The following ANK3 variants were observed in gnomAD, a reference collection of about 807,000 sequenced individuals.
ANK3 encodes ankyrin 3, also known as ankyrin-3.
In ANK3, 57 loss-of-function variants were observed where a neutral mutation model predicts 370.9. That is an observed-to-expected ratio of 0.15 (90% confidence interval 0.12 to 0.19). The LOEUF is 0.19. Ranked by LOEUF, ANK3 falls within the 10% of genes least tolerant of loss-of-function variation. The pLI is 1.00. For missense variants in ANK3, 4,439 were observed against 5,302.1 expected (o/e 0.84, Z 5.06); for synonymous variants, 1,929 against 1,946.3 (o/e 0.99, Z 0.23).
Position 60,026,976 on chromosome 10 carries a change from T to C in ANK3, c.*2870A>G, listed in dbSNP as rs1214473369. 1.3e-5 allele frequency: 2 copies of C among 152,204 alleles called. No individual in the cohort carries two copies. The highest frequency in any genetic ancestry group is 2.9e-5 in the Non-Finnish European group (2 of 68,036). 9.4% of individuals were successfully genotyped at this position (152,204 alleles called of 1,614,324 possible). On this transcript the variant is annotated 3_prime_UTR_variant, in exon 44 of 44. Coordinates refer to ENST00000280772, the MANE Select transcript of ANK3 (RefSeq NM_020987.5). Reference sequence around the variant, plus strand: ...TACATAATGTCACATTCAATCTACATATACATGTATAAATATATGCATATA... The same window carrying C: ...TACATAATGTCACATTCAATCTACACATACATGTATAAATATATGCATATA...
chr10:60,235,245 T>C (rs1006686766), intron 7 of ANK3, among the ~76,000 whole-genome samples: 6 of 152,264 alleles, frequency 3.9e-5, no homozygotes, highest in Admixed American at 6.5e-5. Flanking sequence ...GGAGAGACAA[T>C]AGGAACTCAA....
chr10:60,059,389 C>T lies in ANK3; in HGVS notation c.12637G>A (p.Ala4213Thr), dbSNP rs375188855. Residue 4213 changes from alanine (A) to threonine (T), a missense_variant, in exon 41 of 44, where the codon GCT (alanine) becomes ACT (threonine). Coordinates refer to ENST00000280772, the MANE Select transcript of ANK3 (RefSeq NM_020987.5). ...CCACCAGTTACTCTTCGAGCTTGAG[C>T]GCAGGACTCTAGGTTTCCACTTGAT... ...ETSSGNLESC[A>T]QARRVTGGLL... The T allele has an allele frequency of 3.7e-5, 60 of 1,613,952 alleles. No individual in the cohort carries two copies. The highest frequency in any genetic ancestry group is 6.7e-5 in the African/African-American group (5 of 74,898).
At chr10:60,146,754 A>G (rs1022835555) in intron 23 of ANK3, among the ~76,000 whole-genome samples, 14 of 152,214 alleles carry the variant, frequency 9.2e-5, no homozygotes, top group Non-Finnish European at 1.8e-4. Context: ...TGCTGGGATT[A>G]CAGACATGAG....
intron 1 of ANK3, among the ~76,000 whole-genome samples, chr10:60,364,034 C>A (rs560485924): frequency 1.3e-4 from 20 of 149,600 alleles, no homozygotes; most frequent in African/African-American, 4.4e-4. Context: ...TGGCTCAAGC[C>A]TGTAATCCCA....
Position 60,578,397 on chromosome 10 carries a change from A to G in ANK3, c.96+36789T>C, listed in dbSNP as rs571662286. ...AGGCCCAGTGATATTTACATGACAG[A>G]TATACATTCTTTTGTGAGGTGAGGA... is the stretch of plus-strand genomic sequence containing the variant. On this transcript the variant is annotated intron_variant, in intron 2 of 43. Coordinates refer to the ANK3 transcript ENST00000373827. Among the ~76,000 whole-genome samples, 24 of 152,280 alleles carry G rather than the reference A, an allele frequency of 1.6e-4. No individual in the cohort carries two copies. In the South Asian group the frequency reaches 2.1e-3, roughly 13 times the overall value.
At chr10:60,158,679 T>TTTTTTC in intron 23 of ANK3, among the ~76,000 whole-genome samples, 1 of 92,154 alleles carries the variant, frequency 1.1e-5, no homozygotes. Flanking sequence ...AGAAAGCACT[T>TTTTTTC]TTTTTCTTTT....
intron 38 of ANK3, among the ~76,000 whole-genome samples, chr10:60,067,530 T>C (rs72818486): frequency 0.032 from 4,867 of 152,270 alleles, 106 homozygotes; most frequent in Non-Finnish European, 0.051. Flanking sequence ...AATTGAACTG[T>C]TGCCTAGAAA....
intron 1 of ANK3, among the ~76,000 whole-genome samples, chr10:60,658,449 T>C (rs1417590469): frequency 1.3e-5 from 2 of 151,998 alleles, no homozygotes; most frequent in African/African-American, 4.8e-5. Context: ...ATAGGAACCA[T>C]GTAATGGCAT....
intron 1 of ANK3, among the ~76,000 whole-genome samples, chr10:60,344,204 T>C (rs1055759135): frequency 6.6e-6 from 1 of 152,218 alleles, no homozygotes; most frequent in African/African-American, 2.4e-5. Context: ...GTGAACTAAT[T>C]TCAGGCCATC....
At chr10:60,115,232 G>C (rs1365032231) in intron 25 of ANK3, among the ~76,000 whole-genome samples, 1 of 152,190 alleles carries the variant, frequency 6.6e-6, no homozygotes, top group African/African-American at 2.4e-5. Context: ...GTGCTGGGGG[G>C]AAACCAGAGG....
chr10:60,329,237 C>T (rs1234172334), intron 1 of ANK3, among the ~76,000 whole-genome samples: 3 of 152,094 alleles, frequency 2.0e-5, no homozygotes, highest in Non-Finnish European at 4.4e-5. Context: ...ACAAGGATGC[C>T]CTCTCTCACC....
intron 1 of ANK3, among the ~76,000 whole-genome samples, chr10:60,346,486 AAAC>A (rs1391904129): frequency 2.0e-5 from 3 of 152,280 alleles, no homozygotes; most frequent in Admixed American, 2.0e-4. Context: ...ATTCAGATAA[AAAC>A]AATATTATTT....
chr10:60,064,684 A>G (rs528140223), intron 38 of ANK3, among the ~76,000 whole-genome samples: 93 of 151,702 alleles, frequency 6.1e-4, no homozygotes, highest in Admixed American at 1.9e-3. Context: ...AACAACAACA[A>G]CAACAACAAC....
At chr10:60,204,846 T>C (rs1312655428) in intron 11 of ANK3, among the ~76,000 whole-genome samples, 1 of 152,092 alleles carries the variant, frequency 6.6e-6, no homozygotes, top group East Asian at 1.9e-4. Flanking sequence ...AGAAGGAACA[T>C]GTAGTCCAGG....
At chr10:60,246,659 T>C (rs1197352003) in intron 7 of ANK3, among the ~76,000 whole-genome samples, 1 of 152,224 alleles carries the variant, frequency 6.6e-6, no homozygotes, top group Non-Finnish European at 1.5e-5. Flanking sequence ...TGGGATCTGT[T>C]CTAAACTCAA....
chr10:60,103,220 G>C (rs1001342086), intron 28 of ANK3, among the ~76,000 whole-genome samples: 2 of 151,852 alleles, frequency 1.3e-5, no homozygotes, highest in African/African-American at 4.8e-5. Context: ...AAAGTGCTGG[G>C]ATTACAGGCG....
chr10:60,331,587 A>C (rs1174415615), intron 1 of ANK3, among the ~76,000 whole-genome samples: 1 of 147,864 alleles, frequency 6.8e-6, no homozygotes, highest in African/African-American at 2.5e-5. Context: ...AAAAAAAAAA[A>C]CAAAAAGACT....
intron 14 of ANK3, among the ~76,000 whole-genome samples, chr10:60,197,683 T>C (rs1402077297): frequency 6.6e-6 from 1 of 152,232 alleles, no homozygotes; most frequent in Non-Finnish European, 1.5e-5. Flanking sequence ...TGCATCCAAA[T>C]AAAAGAGTGC....
intron 25 of ANK3, among the ~76,000 whole-genome samples, chr10:60,130,238 A>C (rs1282009403): frequency 6.6e-6 from 1 of 152,196 alleles, no homozygotes; most frequent in Non-Finnish European, 1.5e-5. Context: ...TGGCCTCCAC[A>C]TGTGCCTTCA....
Sources: gnomAD v4.1 joint callset for allele counts (sites outside exome capture counted in the v4.1 genomes callset) on GRCh38, gnomAD v4.1.1 for gene constraint, MANE v1.5 for transcripts, NCBI Gene and HGNC (gene_info 2026-07-23, HGNC 2026-07-21) for gene names.